The following RBFOX3 variants were observed in gnomAD, a reference collection of about 807,000 sequenced individuals.
RBFOX3 encodes RNA binding protein fox-1 homolog 3.
RBFOX3 carries 17 observed loss-of-function variants against 48.7 expected under a neutral mutation model. The observed-to-expected ratio is 0.35, with a 90% CI of 0.24 to 0.52. RBFOX3 has a LOEUF of 0.52. RBFOX3 is among the 20% of genes least tolerant of loss of function. RBFOX3 has a pLI of 0.94. For missense variants in RBFOX3, 382 were observed against 497.5 expected, an observed-to-expected ratio of 0.77 and a Z score of 2.21; for synonymous variants, 212 against 209.5, an observed-to-expected ratio of 1.01 and a Z score of -0.10.
chr17:79,584,839 C>T (rs1198183957), intron 1 of RBFOX3, among the ~76,000 whole-genome samples: 16 of 151,890 alleles, frequency 1.1e-4, no homozygotes, highest in Non-Finnish European at 2.9e-5. Flanking sequence ...GATCTCAGCT[C>T]ACTGCAAGCT....
In RBFOX3 at chr17:79,513,763, G is replaced by A. The variant is rs908775442; in HGVS notation, c.-319-31165C>T. 2.6e-5 allele frequency among the ~76,000 whole-genome samples: 4 copies of A among 152,288 alleles called. No homozygotes were observed. The East Asian group carries it at 7.7e-4, about 29-fold the overall frequency. On this transcript the variant is annotated intron_variant, in intron 1 of 14. Coordinates refer to ENST00000693108, the MANE Select transcript of RBFOX3 (RefSeq NM_001350451.2). ...CGTCAGTGAGGCGGTACAGGCGCTG[G>A]GCACTTCACACAGCCTCCTGGGGCC...
intron 1 of RBFOX3, among the ~76,000 whole-genome samples, chr17:79,505,887 A>C (rs2083043734): frequency 6.6e-6 from 1 of 152,204 alleles, no homozygotes; most frequent in Non-Finnish European, 1.5e-5. Context: ...CAGGCAACCA[A>C]GGTGGGGTCT....
rs2059496507 is a variant in RBFOX3, at chr17:79,219,822, G to C, written c.-34+15944C>G. On this transcript the variant is annotated intron_variant, in intron 4 of 14. Coordinates refer to ENST00000693108, the MANE Select transcript of RBFOX3 (RefSeq NM_001350451.2). ...GTAAAGGCACAGGATAAGGGGGAGG[G>C]GAGCTTGTGGGGCTGGGGCTGGTGT... Among the ~76,000 whole-genome samples, 12 of 152,058 alleles carry C rather than the reference G, an allele frequency of 7.9e-5. 2 individuals carry two copies. Among genetic ancestry groups the C allele is most frequent in the Admixed American group, 7.9e-4 (12 of 15,276 alleles).
intron 1 of RBFOX3, among the ~76,000 whole-genome samples, chr17:79,560,096 C>A (rs1411364766): frequency 2.0e-5 from 3 of 151,560 alleles, no homozygotes; most frequent in Admixed American, 6.6e-5. Context: ...TCTTGTGACA[C>A]CCCGTTGCAT....
chr17:79,573,047 G>T (rs1191140228), intron 1 of RBFOX3, among the ~76,000 whole-genome samples: 1 of 152,172 alleles, frequency 6.6e-6, no homozygotes, highest in Non-Finnish European at 1.5e-5. Flanking sequence ...GTTTACCTGG[G>T]CGTCCTGGGT....
At chr17:79,110,674 A>T (rs947024045) in intron 5 of RBFOX3, among the ~76,000 whole-genome samples, 2 of 152,194 alleles carry the variant, frequency 1.3e-5, no homozygotes, top group Non-Finnish European at 2.9e-5. Context: ...GTCTCAACCT[A>T]TCCACTGGGA....
At chr17:79,560,703 C>T (rs1290664605) in intron 1 of RBFOX3, among the ~76,000 whole-genome samples, 1 of 152,156 alleles carries the variant, frequency 6.6e-6, no homozygotes, top group Non-Finnish European at 1.5e-5. Flanking sequence ...TGGCGGGAAG[C>T]CGTTCAGTCT....
At chr17:79,106,991 C>CCGCG (rs1190785808) in intron 5 of RBFOX3, among the ~76,000 whole-genome samples, 1 of 152,212 alleles carries the variant, frequency 6.6e-6, no homozygotes, top group Admixed American at 6.5e-5. Flanking sequence ...CACAGAGAGG[C>CCGCG]CCCACCTCTA....
intron 1 of RBFOX3, among the ~76,000 whole-genome samples, chr17:79,543,493 C>T (rs927354636): frequency 2.6e-5 from 4 of 152,108 alleles, no homozygotes; most frequent in Admixed American, 6.5e-5. Flanking sequence ...AACACCCCTA[C>T]GTCTCTCGTG....
At chr17:79,536,377 C>G (rs2088756052) in intron 1 of RBFOX3, among the ~76,000 whole-genome samples, 1 of 152,238 alleles carries the variant, frequency 6.6e-6, no homozygotes. Context: ...CAGCCCACCC[C>G]CATTATTCTA....
chr17:79,648,166 C>G, the RBFOX3 span, among the ~76,000 whole-genome samples: 2 of 152,166 alleles, frequency 1.3e-5, no homozygotes, highest in Non-Finnish European at 2.9e-5. Flanking sequence ...CAGGCATGGT[C>G]AGACAGTGTG....
Position 79,410,288 on chromosome 17 carries a change from G to A in RBFOX3, c.-175+72166C>T, listed in dbSNP as rs536999951. ...ACAGTCTTAGCTGCTCCCAGTCAGTGGCATCTACCCTGCTGCGTTTCAGGC... is the reference window on the plus strand; with the variant it reads ...ACAGTCTTAGCTGCTCCCAGTCAGTAGCATCTACCCTGCTGCGTTTCAGGC... On this transcript the variant is annotated intron_variant, in intron 2 of 14. Transcript: ENST00000693108. Among the ~76,000 whole-genome samples the A allele has an allele frequency of 7.9e-5, 12 of 152,318 alleles. No homozygotes were observed. The East Asian group carries it at 1.7e-3, about 22-fold the overall frequency.
chr17:79,488,742 C>T (rs1431562299), intron 1 of RBFOX3, among the ~76,000 whole-genome samples: 4 of 152,210 alleles, frequency 2.6e-5, no homozygotes, highest in Non-Finnish European at 4.4e-5. Flanking sequence ...TCTTGGATGT[C>T]ACCTTCCCTG....
intron 4 of RBFOX3, among the ~76,000 whole-genome samples, chr17:79,209,854 G>A (rs1348777386): frequency 3.9e-5 from 6 of 152,024 alleles, no homozygotes; most frequent in South Asian, 2.1e-4. Flanking sequence ...AAAATTAGCC[G>A]GGCGTGGTGG....
In RBFOX3 at chr17:79,106,796, G is replaced by T; in HGVS notation, c.223-8C>A. ...TGCCGCCTCGTCTGTCTGCTGCAGGGAGAGGACTGGGCTGTGGAGGCTGCC... is the reference window on the plus strand; with the variant it reads ...TGCCGCCTCGTCTGTCTGCTGCAGGTAGAGGACTGGGCTGTGGAGGCTGCC... On this transcript the variant is annotated splice_polypyrimidine_tract_variant and splice_region_variant and intron_variant, in intron 5 of 14. Coordinates refer to ENST00000693108, the MANE Select transcript of RBFOX3 (RefSeq NM_001350451.2). The T allele has an allele frequency of 6.6e-7, 1 of 1,513,716 alleles. No individual in the cohort carries two copies. The allele number at this position is 1,513,716 out of a possible 1,614,324, so 93.8% of individuals were successfully genotyped here.
rs2066280298 is a variant in RBFOX3, at chr17:79,421,064, G to C, written c.-175+61390C>G. Among the ~76,000 whole-genome samples, 1 of 151,936 alleles carries C rather than the reference G, an allele frequency of 6.6e-6. No homozygotes were observed. Among genetic ancestry groups the C allele is most frequent in the South Asian group, 2.1e-4 (1 of 4,812 alleles). On this transcript the variant is annotated intron_variant, in intron 2 of 14. Transcript: ENST00000693108. The surrounding 1 kb of genome is among the most constrained non-coding windows in gnomAD (Gnocchi z 4.5). ...CCTACTGGGTGAGCCTCCCCAGGTG[G>C]GTCGAGGGCCTTCCCTGCTGGGTGA...
At chr17:79,125,233 T>C (rs369644968) in intron 4 of RBFOX3, among the ~76,000 whole-genome samples, 4,297 of 152,214 alleles carry the variant, frequency 0.028, 200 homozygotes, top group African/African-American at 0.096. Context: ...GCTGGCTGTC[T>C]GAGCCACAGG....
chr17:79,090,711 C>T lies in RBFOX3; in HGVS notation c.*172G>A, dbSNP rs183327829. 40 of 814,718 alleles carry T rather than the reference C, an allele frequency of 4.9e-5. No individual in the cohort carries two copies. The highest frequency in any genetic ancestry group is 4.9e-4 in the African/African-American group (28 of 57,128). 50.5% of individuals were successfully genotyped at this position (814,718 alleles called of 1,614,324 possible). On this transcript the variant is annotated 3_prime_UTR_variant, in exon 15 of 15. Transcript: ENST00000693108. ...CCCCTGCCGGCGTGCTCCCTCGGTGCGGGCGTGTGGCCAGGACGCGGGACT... is the reference window on the plus strand; with the variant it reads ...CCCCTGCCGGCGTGCTCCCTCGGTGTGGGCGTGTGGCCAGGACGCGGGACT...
In RBFOX3 at chr17:79,138,844, CAGCACAT is replaced by C. The variant is rs1388556581; in HGVS notation, c.-33-23103_-33-23097del. Among the ~76,000 whole-genome samples, 13 of 131,576 alleles carry C rather than the reference CAGCACAT, an allele frequency of 9.9e-5. No individual in the cohort carries two copies. The East Asian group carries it at 2.8e-3, about 28-fold the overall frequency. The allele number at this position is 131,576 out of a possible 152,430, so 86.3% of individuals were successfully genotyped here. On this transcript the variant is annotated intron_variant, in intron 4 of 14. Coordinates refer to ENST00000693108, the MANE Select transcript of RBFOX3 (RefSeq NM_001350451.2). ...ACCCCCTCACCCACACACATGCACA[CAGCACAT>C]GCATTCACGCCCCCTCTCACCCACA... is the stretch of plus-strand genomic sequence containing the variant.
Sources: gnomAD v4.1 joint callset for allele counts (sites outside exome capture counted in the v4.1 genomes callset) on GRCh38, gnomAD v4.1.1 for gene constraint, Gnocchi (gnomAD v3.1) non-coding constraint, MANE v1.5 for transcripts, NCBI Gene and HGNC (gene_info 2026-07-23, HGNC 2026-07-21) for gene names.